Variants in CLRN1 observed in about 807,000 individuals in gnomAD.
CLRN1 encodes clarin-1.
Under a neutral mutation model 18.7 loss-of-function variants are expected in CLRN1, and 15 were observed. The ratio of observed to expected loss-of-function variants is 0.80; its 90% confidence interval spans 0.54 to 1.23. The LOEUF is 1.23. Among genes scored for constraint, CLRN1 ranks in the 50% most tolerant of loss-of-function variants. CLRN1 has a pLI of 0.00. For synonymous variants in CLRN1, 104 were observed against 102.9 expected (o/e 1.01, Z -0.07); for missense variants, 311 against 277.5 (o/e 1.12, Z -0.86).
At chr3:150,928,990 C>T (rs1012452525) in intron 2 of CLRN1, among the ~76,000 whole-genome samples, 1 of 152,088 alleles carries the variant, frequency 6.6e-6, no homozygotes, top group East Asian at 1.9e-4. Context: ...CATTTTGGAC[C>T]AATGTGGCCC....
At chr3:150,961,357 G>C (rs1715026534) in intron 1 of CLRN1, among the ~76,000 whole-genome samples, 1 of 152,128 alleles carries the variant, frequency 6.6e-6, no homozygotes, top group Non-Finnish European at 1.5e-5. Context: ...TGATTCAATT[G>C]GTCTGGGATG....
intron 1 of CLRN1, among the ~76,000 whole-genome samples, chr3:150,952,451 A>G (rs141089986): frequency 2.0e-5 from 3 of 152,294 alleles, no homozygotes; most frequent in Non-Finnish European, 2.9e-5. Context: ...GAGCTAAGCT[A>G]TGATGTTCGG....
chr3:150,942,992 G>A (rs1051978124), intron 1 of CLRN1, among the ~76,000 whole-genome samples: 10 of 152,148 alleles, frequency 6.6e-5, no homozygotes, highest in African/African-American at 2.4e-4. Flanking sequence ...GACACACAAG[G>A]GAAGAAGCTG....
At chr3:150,956,459 G>A (rs569247905) in intron 1 of CLRN1, among the ~76,000 whole-genome samples, 6 of 152,162 alleles carry the variant, frequency 3.9e-5, no homozygotes, top group Non-Finnish European at 1.5e-5. Flanking sequence ...CTAGTCACTG[G>A]GTTCTCTATC....
At position 150,926,766 on chromosome 3, in the gene CLRN1, G is replaced by C. The variant is rs1475593830; in HGVS notation, c.*1170C>G. 1 of 1,612,302 alleles carries C rather than the reference G, an allele frequency of 6.2e-7. No individual in the cohort carries two copies. The highest frequency in any genetic ancestry group is 1.1e-5 in the South Asian group (1 of 90,992). On this transcript the variant is annotated 3_prime_UTR_variant, in exon 3 of 3. Coordinates refer to ENST00000327047, the MANE Select transcript of CLRN1 (RefSeq NM_174878.3). ...CAGCACCTGTGGTCAGAGGCCTAGT[G>C]ATCTGTTTGCTGTCATTCTCTGCTT...
chr3:150,969,313 A>ATATATATAT (rs1267715691), intron 1 of CLRN1, among the ~76,000 whole-genome samples: 1 of 43,544 alleles, frequency 2.3e-5, no homozygotes, highest in South Asian at 1.1e-3. Flanking sequence ...ATATATATAT[A>ATATATATAT]TTTTTTTTTT....
chr3:150,945,739 G>A, intron 1 of CLRN1: 1 of 915,208 alleles, frequency 1.1e-6, no homozygotes, highest in African/African-American at 1.7e-5. Flanking sequence ...AATACATCAT[G>A]TTTACAAAGA....
At chr3:150,956,932 T>C (rs1238010937) in intron 1 of CLRN1, among the ~76,000 whole-genome samples, 1 of 152,178 alleles carries the variant, frequency 6.6e-6, no homozygotes. Flanking sequence ...TCTTGTAAAC[T>C]AAACTCTCTC....
In CLRN1 at chr3:150,972,651, A is replaced by T. The variant is rs764138183; in HGVS notation, c.58T>A (p.Cys20Ser). The change falls in exon 1 of 3, where the codon TGT (cysteine) becomes AGT (serine). Residue 20 changes from cysteine to serine, a missense_variant. Cys to Ser is a moderately radical substitution (Grantham distance 112, BLOSUM62 -1). Coordinates refer to ENST00000327047, the MANE Select transcript of CLRN1 (RefSeq NM_174878.3). ...AAGGCTGTCACAACTCCGAGGGCACATGCAAAACTGAACACTCCGGCCATG... is the reference window on the plus strand; with the variant it reads ...AAGGCTGTCACAACTCCGAGGGCACTTGCAAAACTGAACACTCCGGCCATG... ...FCMAGVFSFA[C>S]ALGVVTALGT... 1 of 1,614,256 alleles carries T rather than the reference A, an allele frequency of 6.2e-7. No homozygotes were observed. The highest frequency in any genetic ancestry group is 1.7e-5 in the Admixed American group (1 of 60,034).
intron 2 of CLRN1, among the ~76,000 whole-genome samples, chr3:150,930,957 G>A (rs1298083798): frequency 1.3e-5 from 2 of 152,202 alleles, no homozygotes; most frequent in African/African-American, 4.8e-5. Flanking sequence ...AACAAAGTGT[G>A]CTGTCTGGTA....
Position 150,927,038 on chromosome 3 carries a change from A to G in CLRN1, c.*898T>C, listed in dbSNP as rs1433209802. On this transcript the variant is annotated 3_prime_UTR_variant, in exon 3 of 3. Coordinates refer to ENST00000327047, the MANE Select transcript of CLRN1 (RefSeq NM_174878.3). ...TAGTACTCGAGACACTATAGCTAGA[A>G]AAACAGCCCCTAATAAGTCATTTTG... The G allele has an allele frequency of 1.6e-6, 2 of 1,258,940 alleles. No individual in the cohort carries two copies. The highest frequency in any genetic ancestry group is 3.0e-5 in the African/African-American group (2 of 67,718). The allele number at this position is 1,258,940 out of a possible 1,614,324, so 78.0% of individuals were successfully genotyped here.
chr3:150,953,415 A>G (rs904152653), intron 1 of CLRN1, among the ~76,000 whole-genome samples: 1 of 152,190 alleles, frequency 6.6e-6, no homozygotes, highest in African/African-American at 2.4e-5. Context: ...AAACCATCCC[A>G]GACCCCTAAT....
chr3:150,940,498 G>GT, intron 2 of CLRN1: 2 of 1,534,868 alleles, frequency 1.3e-6, no homozygotes, highest in Non-Finnish European at 1.7e-6. Flanking sequence ...CTGGTGCCTG[G>GT]TAGCTGGCAG....
At chr3:150,960,549 T>C (rs1289369869) in intron 1 of CLRN1, among the ~76,000 whole-genome samples, 1 of 152,202 alleles carries the variant, frequency 6.6e-6, no homozygotes, top group East Asian at 1.9e-4. Flanking sequence ...ACTTTGGATT[T>C]ATGGTTAATT....
chr3:150,936,656 C>G (rs1321778077), intron 2 of CLRN1, among the ~76,000 whole-genome samples: 1 of 152,190 alleles, frequency 6.6e-6, no homozygotes, highest in Non-Finnish European at 1.5e-5. Flanking sequence ...AATCAGCTAT[C>G]AGATATCTTT....
rs1403405107 is a variant in CLRN1, at chr3:150,926,754, C to G, written c.*1182G>C. The G allele has an allele frequency of 1.2e-6, 2 of 1,604,134 alleles. No homozygotes were observed. The highest frequency in any genetic ancestry group is 2.7e-5 in the African/African-American group (2 of 74,720). On this transcript the variant is annotated 3_prime_UTR_variant, in exon 3 of 3. Transcript: ENST00000327047. ...CTGCTGAGTACTCAGCACCTGTGGT[C>G]AGAGGCCTAGTGATCTGTTTGCTGT...
At chr3:150,972,355 G>A in intron 1 of CLRN1, 101 bp downstream of exon 1, 1 of 1,485,926 alleles carries the variant, frequency 6.7e-7, no homozygotes, top group Non-Finnish European at 9.3e-7. Flanking sequence ...GATTTAAAAA[G>A]TCCTGCAGTA....
chr3:150,971,294 T>A (rs1252748837), intron 1 of CLRN1, among the ~76,000 whole-genome samples: 1 of 152,196 alleles, frequency 6.6e-6, no homozygotes, highest in African/African-American at 2.4e-5. Flanking sequence ...ATCCACTTCA[T>A]CAATTAAAAA....
chr3:150,962,381 T>C (rs1352639714), intron 1 of CLRN1, among the ~76,000 whole-genome samples: 1 of 152,172 alleles, frequency 6.6e-6, no homozygotes, highest in Non-Finnish European at 1.5e-5. Flanking sequence ...TGTATATGAG[T>C]TTTGTTTTTT....
Sources: gnomAD v4.1 joint callset for allele counts (sites outside exome capture counted in the v4.1 genomes callset) on GRCh38, gnomAD v4.1.1 for gene constraint, MANE v1.5 for transcripts, NCBI Gene and HGNC (gene_info 2026-07-23, HGNC 2026-07-21) for gene names.